Variants in TACC1 observed in about 807,000 individuals in gnomAD.
TACC1 encodes the protein transforming acidic coiled-coil containing protein 1.
TACC1 carries 48 observed loss-of-function variants against 84.4 expected under a neutral mutation model. That is an observed-to-expected ratio of 0.57 (90% confidence interval 0.45 to 0.72). The LOEUF is 0.72. Ranked by LOEUF, TACC1 falls within the 30% of genes least tolerant of loss-of-function variation. The probability of loss-of-function intolerance (pLI) is 0.00; values close to 1 mark genes in which losing one functional copy is unlikely to be tolerated. For synonymous variants in TACC1, 372 were observed against 376.3 expected (o/e 0.99, Z 0.13); for missense variants, 920 against 973.0 (o/e 0.95, Z 0.72).
intron 6 of TACC1, among the ~76,000 whole-genome samples, chr8:38,835,489 A>C (rs1453185600): frequency 6.6e-6 from 1 of 152,186 alleles, no homozygotes; most frequent in Non-Finnish European, 1.5e-5. Flanking sequence ...GAACCAACAC[A>C]CAGGCATGGT....
At chr8:38,833,533 G>A (rs1175473695) in intron 6 of TACC1, among the ~76,000 whole-genome samples, 2 of 152,084 alleles carry the variant, frequency 1.3e-5, no homozygotes, top group African/African-American at 2.4e-5. Context: ...GGGGAGAGTC[G>A]GCAGGCTGAA....
chr8:38,818,564 G>GA (rs1825953205), intron 2 of TACC1, among the ~76,000 whole-genome samples: 1 of 152,088 alleles, frequency 6.6e-6, no homozygotes. Flanking sequence ...AGGTTCTAAA[G>GA]AAAAAATAAC....
chr8:38,764,661 G>A (rs1811878393), intron 3 of TACC1, among the ~76,000 whole-genome samples: 2 of 152,012 alleles, frequency 1.3e-5, no homozygotes, highest in African/African-American at 2.4e-5. Flanking sequence ...CACTTACCAC[G>A]TGCTAGGAAA....
chr8:38,844,433 CA>C (rs748275046), intron 11 of TACC1, among the ~76,000 whole-genome samples: 4 of 152,156 alleles, frequency 2.6e-5, no homozygotes, highest in Non-Finnish European at 4.4e-5. Flanking sequence ...CTCAGCTTCC[CA>C]AAGTGCTGGG....
At chr8:38,833,615 T>C (rs1829684286) in intron 6 of TACC1, among the ~76,000 whole-genome samples, 1 of 152,206 alleles carries the variant, frequency 6.6e-6, no homozygotes, top group Non-Finnish European at 1.5e-5. Flanking sequence ...GGATGCTGCC[T>C]CTTCCAGACC....
intron 3 of TACC1, among the ~76,000 whole-genome samples, chr8:38,764,655 T>A (rs1400345727): frequency 6.6e-6 from 1 of 152,124 alleles, no homozygotes; most frequent in Non-Finnish European, 1.5e-5. Flanking sequence ...ATTGAGCACT[T>A]ACCACGTGCT....
chr8:38,825,256 C>G (rs372508530), intron 3 of TACC1, 52 bp from the exon 4 acceptor site: 4 of 1,593,978 alleles, frequency 2.5e-6, no homozygotes, highest in Non-Finnish European at 3.4e-6. Flanking sequence ...CATACCTTGA[C>G]AATTGTCAGT....
intron 2 of TACC1, among the ~76,000 whole-genome samples, chr8:38,793,553 T>A (rs62506665): frequency 0.18 from 27,495 of 151,884 alleles, 3,300 homozygotes; most frequent in Non-Finnish European, 0.27. Context: ...CTCAATAAAG[T>A]AGTTCTTAAA....
chr8:38,807,284 C>G (rs1273273794), intron 2 of TACC1, among the ~76,000 whole-genome samples: 1 of 152,260 alleles, frequency 6.6e-6, no homozygotes, highest in Admixed American at 6.5e-5. Flanking sequence ...TCTTTCTGGT[C>G]GTCAGCCCCC....
At chr8:38,780,592 GTCTAT>G (rs934997832) in intron 3 of TACC1, among the ~76,000 whole-genome samples, 3 of 150,870 alleles carry the variant, frequency 2.0e-5, no homozygotes, top group African/African-American at 7.3e-5. Flanking sequence ...TGTAGGACTA[GTCTAT>G]TCTTCACTCT....
rs1341527056 is a variant in TACC1, at chr8:38,848,204, TAGAGGGTTGC to T, written c.*183_*192del. 1.7e-6 allele frequency: 1 copy of T among 577,270 alleles called. No individual in the cohort carries two copies. Among genetic ancestry groups the T allele is most frequent in the Non-Finnish European group, 3.0e-6 (1 of 329,630 alleles). The allele number at this position is 577,270 out of a possible 1,614,324, so 35.8% of individuals were successfully genotyped here. ...AATGCAACAGCCCTGGAAGAAACCC[TAGAGGGTTGC>T]ATAGTCTAGAAAGGAGTGTGACCTG... On this transcript the variant is annotated 3_prime_UTR_variant, in exon 13 of 13. Transcript: ENST00000317827.
chr8:38,837,092 G>C (rs1830373940), intron 7 of TACC1, among the ~76,000 whole-genome samples: 1 of 150,328 alleles, frequency 6.7e-6, no homozygotes. Flanking sequence ...GTGGTAATAA[G>C]GCCCACCAAA....
At chr8:38,749,409 G>A (rs956555777) in intron 3 of TACC1, among the ~76,000 whole-genome samples, 5 of 152,118 alleles carry the variant, frequency 3.3e-5, no homozygotes, top group Non-Finnish European at 7.4e-5. Context: ...ATTTTATGAT[G>A]CAGTATTATT....
At chr8:38,830,789 G>A (rs1829054956) in intron 5 of TACC1, among the ~76,000 whole-genome samples, 1 of 152,208 alleles carries the variant, frequency 6.6e-6, no homozygotes, top group African/African-American at 2.4e-5. Flanking sequence ...AAAGCATTCA[G>A]TGTTACACAG....
intron 1 of TACC1, among the ~76,000 whole-genome samples, 165 bp downstream of exon 1, chr8:38,787,908 C>T (rs1817664600): frequency 6.6e-6 from 1 of 152,236 alleles, no homozygotes; most frequent in South Asian, 2.1e-4. Context: ...AGTTCAGGAT[C>T]TTCTGTCCTC....
intron 1 of TACC1, among the ~76,000 whole-genome samples, chr8:38,731,023 G>A (rs947314133): frequency 1.3e-5 from 2 of 152,204 alleles, no homozygotes; most frequent in African/African-American, 4.8e-5. Flanking sequence ...AACCTCCTGG[G>A]CTCAAGTGAT....
intron 3 of TACC1, among the ~76,000 whole-genome samples, chr8:38,760,211 C>G (rs1043431177): frequency 1.8e-4 from 28 of 152,222 alleles, no homozygotes; most frequent in African/African-American, 6.7e-4. Flanking sequence ...GAAATATAAA[C>G]AAGCATAGAT....
chr8:38,805,241 T>C (rs1408393495), intron 2 of TACC1, among the ~76,000 whole-genome samples: 1 of 152,236 alleles, frequency 6.6e-6, no homozygotes, highest in Non-Finnish European at 1.5e-5. Flanking sequence ...TTCCCACCTC[T>C]TCCCAGCTTA....
intron 2 of TACC1, among the ~76,000 whole-genome samples, chr8:38,801,800 A>C (rs1821430449): frequency 6.6e-6 from 1 of 152,230 alleles, no homozygotes; most frequent in Admixed American, 6.5e-5. Flanking sequence ...TCTGTAAATA[A>C]ATTTGGGAAG....
Sources: allele counts gnomAD v4.1 joint callset (sites outside exome capture counted in the v4.1 genomes callset), GRCh38; gene constraint gnomAD v4.1.1; transcripts MANE v1.5; gene names NCBI Gene and HGNC (gene_info 2026-07-23, HGNC 2026-07-21).